The following ZNF592 variants were observed in gnomAD, a reference collection of about 807,000 sequenced individuals.
The protein encoded by ZNF592 is zinc finger protein 592.
Under a neutral mutation model 80.3 loss-of-function variants are expected in ZNF592, and 11 were observed. That is an observed-to-expected ratio of 0.14 (90% CI 0.09 to 0.23). The LOEUF is 0.23. ZNF592 is among the 10% of genes least tolerant of loss of function. The pLI, the probability that ZNF592 is intolerant of heterozygous loss-of-function variation, is 1.00. For missense variants in ZNF592, 1,420 were observed against 1,633.9 expected (o/e 0.87, Z 2.26); for synonymous variants, 646 against 640.3 (o/e 1.01, Z -0.13).
chr15:84,769,590 T>C (rs1208392552), intron 2 of ZNF592, among the ~76,000 whole-genome samples: 1 of 150,756 alleles, frequency 6.6e-6, no homozygotes, highest in Non-Finnish European at 1.5e-5. Flanking sequence ...AAGGAGGCCT[T>C]TGTGTGCCTG....
chr15:84,800,106 C>G lies in ZNF592; in HGVS notation c.3273+129C>G. The G allele has an allele frequency of 5.6e-6, 8 of 1,425,768 alleles. No individual in the cohort carries two copies. The South Asian group carries it at 9.3e-5, about 17-fold the overall frequency. The allele number at this position is 1,425,768 out of a possible 1,614,324, so 88.3% of individuals were successfully genotyped here. On this transcript the variant is annotated intron_variant, in intron 10 of 10. Transcript: ENST00000560079. ...ACAGCTTCCCTCAATGTGGGTCACT[C>G]TCTAGTCCTGTGTGACCCGCCTGGC...
At chr15:84,801,145 A>T (rs1185814119) in intron 10 of ZNF592, among the ~76,000 whole-genome samples, 1 of 152,078 alleles carries the variant, frequency 6.6e-6, no homozygotes, top group Non-Finnish European at 1.5e-5. Context: ...ACATTGGGAG[A>T]CTCTGTCTCT....
chr15:84,757,379 AC>A (rs1899206735), intron 1 of ZNF592, among the ~76,000 whole-genome samples: 1 of 138,670 alleles, frequency 7.2e-6, no homozygotes, highest in East Asian at 2.1e-4. Context: ...CAGCACTGTT[AC>A]CCAGGCTGGA....
intron 1 of ZNF592, among the ~76,000 whole-genome samples, chr15:84,761,763 A>C (rs1899357545): frequency 6.6e-6 from 1 of 152,160 alleles, no homozygotes; most frequent in Non-Finnish European, 1.5e-5. Flanking sequence ...CAGTGCTCTC[A>C]GGCTTTCTTC....
intron 5 of ZNF592, among the ~76,000 whole-genome samples, chr15:84,796,479 A>C (rs1962924982): frequency 6.6e-6 from 1 of 151,634 alleles, no homozygotes; most frequent in Admixed American, 6.6e-5. Context: ...TTTGTCATGT[A>C]GGGGAGACCT....
chr15:84,765,535 G>GTTTTTTTTTTTTTT (rs71453265), intron 2 of ZNF592, among the ~76,000 whole-genome samples: 2 of 92,280 alleles, frequency 2.2e-5, no homozygotes, highest in Admixed American at 1.5e-4. Flanking sequence ...TGTTATTATT[G>GTTTTTTTTTTTTTT]TTTTTTTTTT....
intron 1 of ZNF592, among the ~76,000 whole-genome samples, chr15:84,754,963 GTT>G (rs36104262): frequency 1.7e-4 from 19 of 110,674 alleles, no homozygotes; most frequent in Admixed American, 4.9e-4. Context: ...CCCCTGAGTT[GTT>G]TTTTTTTTTT....
intron 2 of ZNF592, among the ~76,000 whole-genome samples, chr15:84,771,652 A>C (rs1962078414): frequency 6.6e-6 from 1 of 152,160 alleles, no homozygotes; most frequent in African/African-American, 2.4e-5. Context: ...GACAAGTAAA[A>C]AACGTTTTTT....
Position 84,805,477 on chromosome 15 carries a change from C to T in ZNF592, c.*3084C>T, listed in dbSNP as rs1264265573. The T allele has an allele frequency of 1.3e-5, 2 of 152,614 alleles. No homozygotes were observed. Among genetic ancestry groups the T allele is most frequent in the Non-Finnish European group, 2.9e-5 (2 of 68,042 alleles). 9.5% of individuals were successfully genotyped at this position (152,614 alleles called of 1,614,324 possible). A position where few individuals can be genotyped will look rare whatever the true frequency, so the allele number is the denominator to read the frequency against. On this transcript the variant is annotated 3_prime_UTR_variant, in exon 11 of 11. Transcript: ENST00000560079. ...AAGATCCCTTCCCTTGTAGAAACTA[C>T]AACTTAATACAGTCTAAGACTTGAC...
chr15:84,780,253 C>CT (rs1398304853), intron 3 of ZNF592, among the ~76,000 whole-genome samples: 4 of 152,142 alleles, frequency 2.6e-5, no homozygotes, highest in African/African-American at 9.7e-5. Context: ...TCCCAAAGTG[C>CT]TGGGATTACA....
At chr15:84,758,033 C>G (rs561692563) in intron 1 of ZNF592, among the ~76,000 whole-genome samples, 187 of 150,782 alleles carry the variant, frequency 1.2e-3, no homozygotes, top group Middle Eastern at 3.4e-3. Flanking sequence ...AGTGCAGTGG[C>G]AAGATCTCGG....
Position 84,784,090 on chromosome 15 carries a change from G to T in ZNF592, c.1415G>T (p.Gly472Val). 1 of 1,614,114 alleles carries T rather than the reference G, an allele frequency of 6.2e-7. No individual in the cohort carries two copies. Among genetic ancestry groups the T allele is most frequent in the South Asian group, 1.1e-5 (1 of 91,078 alleles). The change falls in exon 4 of 11, where the codon GGG (glycine) becomes GTG (valine). Residue 472 changes from glycine to valine, a missense_variant. By Grantham distance (109) the Gly-to-Val change is moderately radical. Around this residue, in one of 7 missense-constraint regions of ZNF592, gnomAD observed 524 missense variants for 628.3 expected, o/e 0.83. Transcript: ENST00000560079. This position sits in a 1 kb window ranked among gnomAD's most constrained non-coding sequence, Gnocchi z 5.8. Reference sequence around the variant, plus strand: ...AGTTCTGGGCCCCGGGTCCCAAAGGGGGCTGCCCCAGGCTCACAGACAGGC... The same window carrying T: ...AGTTCTGGGCCCCGGGTCCCAAAGGTGGCTGCCCCAGGCTCACAGACAGGC... Reference protein sequence around the residue: ...SCSSGPRVPKGAAPGSQTGKK... With the variant: ...SCSSGPRVPKVAAPGSQTGKK...
At chr15:84,801,506 A>G (rs1963095627) in intron 10 of ZNF592, among the ~76,000 whole-genome samples, 1 of 152,200 alleles carries the variant, frequency 6.6e-6, no homozygotes, top group African/African-American at 2.4e-5. Context: ...CCTCAAAAAG[A>G]AAAAGAAAAG....
intron 1 of ZNF592, among the ~76,000 whole-genome samples, chr15:84,763,934 C>A (rs1333762066): frequency 6.6e-6 from 1 of 152,216 alleles, no homozygotes; most frequent in East Asian, 1.9e-4. Flanking sequence ...TTCCAAAGTT[C>A]TCAAGGTGAT....
At chr15:84,775,734 CAT>C (rs1962230799) in intron 2 of ZNF592, among the ~76,000 whole-genome samples, 1 of 151,956 alleles carries the variant, frequency 6.6e-6, no homozygotes, top group Admixed American at 6.6e-5. Flanking sequence ...CCGGCCGAAT[CAT>C]ATTGTTTTTA....
chr15:84,786,887 G>A (rs1178908668), intron 4 of ZNF592, among the ~76,000 whole-genome samples: 1 of 96,872 alleles, frequency 1.0e-5, no homozygotes, highest in Non-Finnish European at 1.9e-5. Flanking sequence ...GTCTTGCTTT[G>A]TTGCCCAGGA....
Position 84,799,112 on chromosome 15 carries a change from C to T in ZNF592, c.3039C>T (p.Tyr1013=). ...KKSHGRTLKR[Y]PCRQCEQSFH... ...TCCTTCCTTAGACATTGAAGCGGTA[C>T]CCATGCCGGCAGTGTGAACAGTCCT... is the stretch of plus-strand genomic sequence containing the variant. Residue 1013 remains tyrosine (Y), a synonymous_variant, in exon 9 of 11, where the codon TAC becomes TAT. Coordinates refer to ENST00000560079, the MANE Select transcript of ZNF592 (RefSeq NM_014630.3). The surrounding 1 kb of genome is among the most constrained non-coding windows in gnomAD (Gnocchi z 4.2). 6.2e-7 allele frequency: 1 copy of T among 1,614,164 alleles called. No individual in the cohort carries two copies. Among genetic ancestry groups the T allele is most frequent in the Middle Eastern group, 1.6e-4 (1 of 6,062 alleles).
In ZNF592 at chr15:84,784,090, G is replaced by C. The variant is rs1962510501; in HGVS notation, c.1415G>C (p.Gly472Ala). The change falls in exon 4 of 11, where the codon GGG becomes GCG. Residue 472 changes from glycine (G) to alanine (A), a missense_variant. By Grantham distance (60) the Gly-to-Ala change is moderately conservative. This residue lies in a region of ZNF592 where 524 missense variants were observed against 628.3 expected (regional missense o/e 0.83). Coordinates refer to ENST00000560079, the MANE Select transcript of ZNF592 (RefSeq NM_014630.3). The surrounding 1 kb of genome is among the most constrained non-coding windows in gnomAD (Gnocchi z 5.8). Reference sequence around the variant, plus strand: ...AGTTCTGGGCCCCGGGTCCCAAAGGGGGCTGCCCCAGGCTCACAGACAGGC... The same window carrying C: ...AGTTCTGGGCCCCGGGTCCCAAAGGCGGCTGCCCCAGGCTCACAGACAGGC... ...SCSSGPRVPK[G>A]AAPGSQTGKK... 1.9e-6 allele frequency: 3 copies of C among 1,614,114 alleles called. No individual in the cohort carries two copies. Among genetic ancestry groups the C allele is most frequent in the Non-Finnish European group, 2.5e-6 (3 of 1,180,012 alleles).
intron 5 of ZNF592, among the ~76,000 whole-genome samples, chr15:84,796,250 A>T (rs1260795464): frequency 4.2e-5 from 1 of 23,666 alleles, no homozygotes; most frequent in Non-Finnish European, 7.2e-5. Flanking sequence ...ATATATATAT[A>T]TATATATATA....
Sources: gnomAD v4.1 joint callset for allele counts (sites outside exome capture counted in the v4.1 genomes callset) on GRCh38, gnomAD v4.1.1 for gene constraint, gnomAD v4.1.1 regional missense constraint, Gnocchi (gnomAD v3.1) non-coding constraint, MANE v1.5 for transcripts, NCBI Gene and HGNC (gene_info 2026-07-23, HGNC 2026-07-21) for gene names.